NCLN: variants seen among roughly 807,000 people sequenced by gnomAD.
NCLN encodes BOS complex subunit NCLN.
A neutral mutation model predicts 69.5 loss-of-function variants in NCLN; 34 were observed. That is an observed-to-expected ratio of 0.49 (90% CI 0.37 to 0.65). The LOEUF (loss-of-function observed/expected upper bound fraction) is 0.65, where lower values mean the gene tolerates loss of function less well. NCLN is among the 30% of genes least tolerant of loss of function. The pLI is 0.00. For missense variants in NCLN, 710 were observed against 804.8 expected (o/e 0.88, Z 1.42); for synonymous variants, 393 against 358.3 (o/e 1.10, Z -1.09).
chr19:3,197,711 C>T (rs1313647949), intron 4 of NCLN, among the ~76,000 whole-genome samples: 6 of 151,800 alleles, frequency 4.0e-5, no homozygotes, highest in Non-Finnish European at 4.4e-5. Context: ...ACCTCCGCCT[C>T]CTAGGTTCAA....
intron 6 of NCLN, among the ~76,000 whole-genome samples, chr19:3,203,304 G>A (rs1183877809): frequency 6.6e-6 from 1 of 150,670 alleles, no homozygotes; most frequent in African/African-American, 2.4e-5. Flanking sequence ...GCGAAACTCC[G>A]TCCCAAAAGA....
At chr19:3,203,653 G>A in intron 6 of NCLN, 103 bp from the exon 7 acceptor site, 1 of 1,026,766 alleles carries the variant, frequency 9.7e-7, no homozygotes, top group Non-Finnish European at 1.4e-6. Context: ...TCCTGCTTTG[G>A]GGAGACCTTC....
At chr19:3,198,726 A>C (rs1221742339) in intron 4 of NCLN, 91 bp from the exon 5 acceptor site, 1 of 1,011,044 alleles carries the variant, frequency 9.9e-7, no homozygotes, top group Non-Finnish European at 1.4e-6. Flanking sequence ...GACGGGCCCC[A>C]CGTGGCCCAG....
At chr19:3,192,774 G>A in intron 2 of NCLN, 114 bp downstream of exon 2, 1 of 951,540 alleles carries the variant, frequency 1.1e-6, no homozygotes, top group Non-Finnish European at 1.5e-6. Flanking sequence ...TGGAAAGTAG[G>A]ATGGACTGTT....
chr19:3,201,517 C>T lies in NCLN; in HGVS notation c.697-6C>T. ...GACTGTGGCCTTGCCTCTCCCGTCC[C>T]TGTAGTGGCTGTCGCTGGGCGCGGA... On this transcript the variant is annotated splice_region_variant and splice_polypyrimidine_tract_variant and intron_variant, in intron 5 of 14. Transcript: ENST00000246117. 1 of 1,549,860 alleles carries T rather than the reference C, an allele frequency of 6.5e-7. No individual in the cohort carries two copies. The highest frequency in any genetic ancestry group is 1.2e-5 in the South Asian group (1 of 84,940).
At position 3,204,867 on chromosome 19, in the gene NCLN, C is replaced by T. The variant is rs370500317; in HGVS notation, c.1208+116C>T. 352 of 1,127,966 alleles carry T rather than the reference C, an allele frequency of 3.1e-4. 1 individual carries two copies. The East Asian group carries it at 5.0e-3, about 16-fold the overall frequency. The allele number at this position is 1,127,966 out of a possible 1,614,324, so 69.9% of individuals were successfully genotyped here. A position where few individuals can be genotyped will look rare whatever the true frequency, so the allele number is the denominator to read the frequency against. On this transcript the variant is annotated intron_variant, in intron 9 of 14. Transcript: ENST00000246117. The stretch of plus-strand genomic sequence containing the variant: ...GGGAGCGGCCCCCACACACAGGCTG[C>T]GAGGAAGGGGCCGGTGCGTGGCCAA...
intron 5 of NCLN, among the ~76,000 whole-genome samples, chr19:3,201,167 C>G (rs2144912062): frequency 6.6e-6 from 1 of 152,326 alleles, no homozygotes; most frequent in Non-Finnish European, 1.5e-5. Context: ...AGATGCTGCC[C>G]TCTGTGAGCG....
At chr19:3,195,136 C>T (rs1338321979) in intron 3 of NCLN, among the ~76,000 whole-genome samples, 1 of 150,258 alleles carries the variant, frequency 6.7e-6, no homozygotes, top group Non-Finnish European at 1.5e-5. Context: ...GAGCTGAGAT[C>T]TTGCCATTGC....
intron 1 of NCLN, among the ~76,000 whole-genome samples, chr19:3,190,112 G>C (rs1182564817): frequency 6.6e-6 from 1 of 152,208 alleles, no homozygotes; most frequent in Non-Finnish European, 1.5e-5. Context: ...CCCCTGGGAG[G>C]CCAGGGCATG....
At chr19:3,202,389 C>G (rs556222786) in intron 6 of NCLN, among the ~76,000 whole-genome samples, 8 of 152,292 alleles carry the variant, frequency 5.3e-5, no homozygotes, top group Non-Finnish European at 1.0e-4. Context: ...GTGCATGACT[C>G]TCTCCTGGGT....
chr19:3,196,566 C>G (rs1045108299), intron 4 of NCLN, among the ~76,000 whole-genome samples: 6 of 152,142 alleles, frequency 3.9e-5, no homozygotes, highest in Non-Finnish European at 5.9e-5. Flanking sequence ...GCCTCCCACC[C>G]CAGGGCCTTT....
intron 8 of NCLN, 117 bp downstream of exon 8, chr19:3,204,261 A>G: frequency 7.9e-7 from 1 of 1,260,560 alleles, no homozygotes. Flanking sequence ...TCTGAGGGCC[A>G]CACTGTGTCG....
chr19:3,204,643 T>A lies in NCLN; in HGVS notation c.1100T>A (p.Val367Glu), dbSNP rs752879756. 1 of 1,609,246 alleles carries A rather than the reference T, an allele frequency of 6.2e-7. No individual in the cohort carries two copies. Among genetic ancestry groups the A allele is most frequent in the Non-Finnish European group, 8.5e-7 (1 of 1,178,030 alleles). Residue 367 changes from valine (V) to glutamate (E), a missense_variant, in exon 9 of 15, where the codon GTG (valine) becomes GAG (glutamate). Transcript: ENST00000246117. ...AAGCGGATCAACCTGGCGGAGGACG[T>A]GCTGGCCTGGGAGCACGAGCGCTTC... ...VHKRINLAED[V>E]LAWEHERFAI...
chr19:3,202,054 C>A (rs1449171777), intron 6 of NCLN, among the ~76,000 whole-genome samples: 1 of 152,116 alleles, frequency 6.6e-6, no homozygotes, highest in South Asian at 2.1e-4. Context: ...CCACAGGTGC[C>A]CTCCGACATC....
chr19:3,204,436 G>A (rs1916207749), intron 8 of NCLN, 137 bp from the exon 9 acceptor site: 1 of 1,007,962 alleles, frequency 9.9e-7, no homozygotes, highest in Admixed American at 3.3e-5. Flanking sequence ...CAGGCCTTAG[G>A]GGGACCCCGG....
chr19:3,198,258 G>A (rs1245079216), intron 4 of NCLN, among the ~76,000 whole-genome samples: 1 of 152,198 alleles, frequency 6.6e-6, no homozygotes, highest in African/African-American at 2.4e-5. Flanking sequence ...TGTAATCCCA[G>A]CACTTTGGGA....
At chr19:3,197,207 G>A (rs1247203139) in intron 4 of NCLN, among the ~76,000 whole-genome samples, 3 of 152,214 alleles carry the variant, frequency 2.0e-5, no homozygotes, top group African/African-American at 7.2e-5. Context: ...ACTCCACAGT[G>A]GCACAGGCGC....
At chr19:3,203,515 TG>T (rs1916179454) in intron 6 of NCLN, among the ~76,000 whole-genome samples, 1 of 151,990 alleles carries the variant, frequency 6.6e-6, no homozygotes, top group South Asian at 2.1e-4. Context: ...CGGTATGGGG[TG>T]GGTGAGGCCA....
intron 8 of NCLN, 76 bp from the exon 9 acceptor site, chr19:3,204,497 C>T: frequency 2.8e-6 from 4 of 1,432,418 alleles, no homozygotes; most frequent in Non-Finnish European, 3.7e-6. Context: ...CTGGGAGGCC[C>T]CTGGAGCATT....
Sources: allele counts gnomAD v4.1 joint callset (sites outside exome capture counted in the v4.1 genomes callset), GRCh38; gene constraint gnomAD v4.1.1; transcripts MANE v1.5; gene names NCBI Gene and HGNC (gene_info 2026-07-23, HGNC 2026-07-21).